The following CEP85L variants were observed in gnomAD, a reference collection of about 807,000 sequenced individuals.
CEP85L encodes the protein centrosomal protein of 85 kDa-like.
CEP85L carries 60 observed loss-of-function variants against 100.3 expected under a neutral mutation model. The observed-to-expected ratio is 0.60, with a 90% CI of 0.49 to 0.74. CEP85L has a LOEUF of 0.74. Among genes scored for constraint, CEP85L ranks in the 30% least tolerant of loss-of-function variants. CEP85L has a pLI of 0.00. For missense variants in CEP85L, 973 were observed against 936.2 expected (o/e 1.04, Z -0.51); for synonymous variants, 319 against 322.7 (o/e 0.99, Z 0.12).
At chr6:118,596,895 TC>T (rs1781483261) in intron 2 of CEP85L, among the ~76,000 whole-genome samples, 1 of 152,196 alleles carries the variant, frequency 6.6e-6, no homozygotes, top group South Asian at 2.1e-4. Flanking sequence ...TTTGGCTGTG[TC>T]CCCACCCAAA....
chr6:118,707,278 C>A (rs555211531), intron 1 of CEP85L, among the ~76,000 whole-genome samples: 2 of 150,544 alleles, frequency 1.3e-5, no homozygotes, highest in Non-Finnish European at 3.0e-5. Flanking sequence ...GCAGCCTCAA[C>A]TTCCCAGGCT....
intron 2 of CEP85L, among the ~76,000 whole-genome samples, chr6:118,574,834 G>T (rs1203975628): frequency 6.6e-6 from 1 of 152,342 alleles, no homozygotes; most frequent in South Asian, 2.1e-4. Flanking sequence ...GTGGAGTCCA[G>T]ATCCATGGTT....
Position 118,574,915 on chromosome 6 carries a change from G to T in CEP85L, c.233-8599C>A, listed in dbSNP as rs138474778. Among the ~76,000 whole-genome samples, 13 of 152,220 alleles carry T rather than the reference G, an allele frequency of 8.5e-5. No individual in the cohort carries two copies. In the East Asian group the frequency reaches 2.5e-3, roughly 29 times the overall value. ...TTATACCAACCTAAATTCCTGCGAG[G>T]GAAGTGACCAGAGAAGGAAGAAGTG... On this transcript the variant is annotated intron_variant, in intron 2 of 12. Transcript: ENST00000368491.
intron 2 of CEP85L, among the ~76,000 whole-genome samples, chr6:118,605,828 C>T (rs1772161965): frequency 1.3e-5 from 2 of 152,000 alleles, no homozygotes; most frequent in Non-Finnish European, 2.9e-5. Flanking sequence ...CTGGCTAACA[C>T]AGTGAAATCC....
intron 4 of CEP85L, among the ~76,000 whole-genome samples, chr6:118,518,167 T>C (rs1274948869): frequency 1.3e-5 from 2 of 152,216 alleles, no homozygotes; most frequent in Non-Finnish European, 2.9e-5. Context: ...TCGATGTTCA[T>C]CAGCAATATT....
chr6:118,468,280 G>C (rs1772681338), intron 12 of CEP85L, among the ~76,000 whole-genome samples: 1 of 152,138 alleles, frequency 6.6e-6, no homozygotes, highest in Admixed American at 6.6e-5. Flanking sequence ...AAATCAGTTT[G>C]TTTGAAACAA....
intron 1 of CEP85L, among the ~76,000 whole-genome samples, chr6:118,650,001 A>G (rs939234347): frequency 2.0e-5 from 3 of 152,256 alleles, no homozygotes; most frequent in Non-Finnish European, 4.4e-5. Context: ...TGACTCGGTC[A>G]GTGCCTGATT....
chr6:118,525,182 A>G (rs1253712440), intron 3 of CEP85L, among the ~76,000 whole-genome samples: 2 of 152,230 alleles, frequency 1.3e-5, no homozygotes, highest in South Asian at 4.1e-4. Flanking sequence ...TACTAAGTAG[A>G]TAATTTGGAT....
chr6:118,708,642 C>T (rs967539897), intron 1 of CEP85L, among the ~76,000 whole-genome samples: 6 of 152,188 alleles, frequency 3.9e-5, no homozygotes, highest in African/African-American at 1.4e-4. Flanking sequence ...CTCTTGAAAG[C>T]TATGTGTTGA....
intron 1 of CEP85L, among the ~76,000 whole-genome samples, chr6:118,697,171 G>C (rs1452303028): frequency 6.6e-6 from 1 of 152,148 alleles, no homozygotes; most frequent in African/African-American, 2.4e-5. Context: ...GGTGTGGTCA[G>C]CCTTCTCTGG....
At chr6:118,612,701 A>C (rs371550655) in intron 2 of CEP85L, among the ~76,000 whole-genome samples, 2 of 142,552 alleles carry the variant, frequency 1.4e-5, no homozygotes, top group Admixed American at 7.4e-5. Context: ...GGGACTCTCA[A>C]ATCAGTAATC....
chr6:118,521,062 T>C (rs1776639170), intron 4 of CEP85L, among the ~76,000 whole-genome samples: 1 of 152,324 alleles, frequency 6.6e-6, no homozygotes, highest in East Asian at 1.9e-4. Flanking sequence ...TAATATATTT[T>C]CAGAAGTAAT....
chr6:118,590,068 CAT>C (rs949399572), intron 2 of CEP85L, among the ~76,000 whole-genome samples: 13 of 136,412 alleles, frequency 9.5e-5, no homozygotes, highest in Middle Eastern at 7.4e-3. Context: ...CACACACACA[CAT>C]ACACACGTGG....
chr6:118,507,038 A>G lies in CEP85L; in HGVS notation c.1257+4260T>C, dbSNP rs111908740. Among the ~76,000 whole-genome samples the G allele has an allele frequency of 4.4e-3, 668 of 152,212 alleles. 8 individuals are homozygous for G. The highest frequency in any genetic ancestry group is 0.016 in the African/African-American group (647 of 41,528). On this transcript the variant is annotated intron_variant, in intron 5 of 12. Transcript: ENST00000368491. ...ATACCTGATCATGCCCAAGGCTTTAATAACCACCCACCTAGACTGACAACA... is the reference window on the plus strand; with the variant it reads ...ATACCTGATCATGCCCAAGGCTTTAGTAACCACCCACCTAGACTGACAACA...
chr6:118,572,220 T>C (rs903709162), intron 2 of CEP85L, among the ~76,000 whole-genome samples: 15 of 141,058 alleles, frequency 1.1e-4, no homozygotes, highest in African/African-American at 3.8e-4. Context: ...CATGATCATA[T>C]CATGTTACAT....
At chr6:118,675,985 A>T (rs925850692) in intron 1 of CEP85L, among the ~76,000 whole-genome samples, 2 of 152,208 alleles carry the variant, frequency 1.3e-5, no homozygotes, top group East Asian at 3.8e-4. Context: ...CCCAAAGAAG[A>T]TCAAGCCAAG....
chr6:118,701,012 G>C (rs1054859459), intron 1 of CEP85L, among the ~76,000 whole-genome samples: 2 of 152,156 alleles, frequency 1.3e-5, no homozygotes, highest in African/African-American at 4.8e-5. Flanking sequence ...GGCCACCAGA[G>C]CATAACGCTT....
chr6:118,698,698 G>C (rs556342247), intron 1 of CEP85L, among the ~76,000 whole-genome samples: 68 of 152,290 alleles, frequency 4.5e-4, no homozygotes, highest in Middle Eastern at 3.4e-3. Context: ...AATTATCTAA[G>C]ACTGATCCAT....
chr6:118,510,767 C>A (rs1009739029), intron 5 of CEP85L, among the ~76,000 whole-genome samples: 4 of 152,086 alleles, frequency 2.6e-5, no homozygotes, highest in Non-Finnish European at 5.9e-5. Context: ...AAAGGTTATT[C>A]TTTACAGCAT....
Sources: gnomAD v4.1 joint callset for allele counts (sites outside exome capture counted in the v4.1 genomes callset) on GRCh38, gnomAD v4.1.1 for gene constraint, MANE v1.5 for transcripts, NCBI Gene and HGNC (gene_info 2026-07-23, HGNC 2026-07-21) for gene names.